The following IAH1 variants were observed in gnomAD, a reference collection of about 807,000 sequenced individuals.
The protein encoded by IAH1 is isoamyl acetate hydrolyzing esterase 1 (putative), also known as isoamyl acetate-hydrolyzing esterase 1 homolog.
Under a neutral mutation model 26.7 loss-of-function variants are expected in IAH1, and 24 were observed. The observed-to-expected ratio is 0.90, with a 90% CI of 0.65 to 1.26. IAH1 has a LOEUF of 1.26. Ranked by LOEUF, IAH1 falls within the 50% of genes most tolerant of loss-of-function variation. The pLI is 0.00. For missense variants in IAH1, 300 were observed against 299.9 expected, an observed-to-expected ratio of 1.00 and a Z score of 0.00; for synonymous variants, 140 against 118.5, an observed-to-expected ratio of 1.18 and a Z score of -1.18.
downstream of IAH1, chr2:9,494,520 C>T (rs886243729): frequency 5.0e-6 from 6 of 1,207,604 alleles, no homozygotes; most frequent in East Asian, 1.0e-4. Context: ...TAACAATGGG[C>T]CAGAAGGATG....
the IAH1 span, chr2:9,505,370 A>G: frequency 6.2e-7 from 1 of 1,613,206 alleles, no homozygotes. Flanking sequence ...AAACATCTTG[A>G]GAGAAAAAAG....
In IAH1 at chr2:9,489,340, C is replaced by T. The variant is rs1353862595; in HGVS notation, c.*1011C>T. On this transcript the variant is annotated 3_prime_UTR_variant, in exon 6 of 6. Transcript: ENST00000497473. ...GAGTGTAGTGGCGCAACCTCAGCCT[C>T]TCCAAGTGCTGGGATTACAGGCATG... is the stretch of plus-strand genomic sequence containing the variant. 1 of 145,962 alleles carries T rather than the reference C, an allele frequency of 6.9e-6. No homozygotes were observed. The highest frequency in any genetic ancestry group is 1.5e-5 in the Non-Finnish European group (1 of 67,506). The allele number at this position is 145,962 out of a possible 1,614,324, so 9.0% of individuals were successfully genotyped here. A position where few individuals can be genotyped will look rare whatever the true frequency, so the allele number is the denominator to read the frequency against.
At chr2:9,497,276 A>T, downstream of IAH1, 1 of 1,613,028 alleles carries the variant, frequency 6.2e-7, no homozygotes, top group Non-Finnish European at 8.5e-7. Context: ...TCATAACAAA[A>T]AGAATGAGTC....
chr2:9,502,054 A>T, the IAH1 span: 1 of 884,928 alleles, frequency 1.1e-6, no homozygotes, highest in Non-Finnish European at 1.8e-6. Flanking sequence ...CAGAAACTCA[A>T]CCCGGCATAT....
chr2:9,498,680 C>G (rs974489259), downstream of IAH1, among the ~76,000 whole-genome samples: 6 of 152,220 alleles, frequency 3.9e-5, no homozygotes, highest in African/African-American at 1.4e-4. Flanking sequence ...CTTTCATGAG[C>G]ACTGGGCATT....
At chr2:9,482,032 CTTTTTT>C (rs58813442) in intron 4 of IAH1, among the ~76,000 whole-genome samples, 1 of 134,656 alleles carries the variant, frequency 7.4e-6, no homozygotes, top group South Asian at 2.4e-4. Flanking sequence ...TGGAAGTTCT[CTTTTTT>C]TTTTTTTTTT....
the IAH1 span, among the ~76,000 whole-genome samples, chr2:9,503,137 CAAA>C: frequency 6.7e-5 from 5 of 74,190 alleles, no homozygotes; most frequent in Admixed American, 1.7e-4. Context: ...GAGACTCTCT[CAAA>C]AAAAAAAAAA....
intron 4 of IAH1, among the ~76,000 whole-genome samples, 197 bp from the exon 5 acceptor site, chr2:9,484,235 C>T (rs763051189): frequency 4.6e-5 from 7 of 152,212 alleles, no homozygotes; most frequent in Non-Finnish European, 8.8e-5. Context: ...TCCCACTGCA[C>T]CTTGTCCTCT....
chr2:9,486,302 G>C (rs888997544), intron 5 of IAH1: 1 of 152,132 alleles, frequency 6.6e-6, no homozygotes, highest in Non-Finnish European at 1.5e-5. Flanking sequence ...CAGATTAGGA[G>C]GGGCCTTGGC....
rs1558487496 is a variant in IAH1, at chr2:9,489,096, C to T, written c.*767C>T. On this transcript the variant is annotated 3_prime_UTR_variant, in exon 6 of 6. Coordinates refer to ENST00000497473, the MANE Select transcript of IAH1 (RefSeq NM_001039613.3). ...AGTCTTGTGGGGACAGCCCCCAACC[C>T]TAAGGGCAGGTAGTATTCTATCTCC... 1 of 152,042 alleles carries T rather than the reference C, an allele frequency of 6.6e-6. No individual in the cohort carries two copies. 9.4% of individuals were successfully genotyped at this position (152,042 alleles called of 1,614,324 possible). A position where few individuals can be genotyped will look rare whatever the true frequency, so the allele number is the denominator to read the frequency against.
Position 9,488,430 on chromosome 2 carries a change from ATAT to A in IAH1, c.*104_*106del. On this transcript the variant is annotated 3_prime_UTR_variant, in exon 6 of 6. Transcript: ENST00000497473. ...CCTCAGGCTTAAACCTTTGCCACTG[ATAT>A]TAATAATAAAAGTATTAGATGATTT... is the stretch of plus-strand genomic sequence containing the variant. The A allele has an allele frequency of 1.2e-6, 1 of 818,532 alleles. No homozygotes were observed. The highest frequency in any genetic ancestry group is 1.9e-6 in the Non-Finnish European group (1 of 539,992). The allele number at this position is 818,532 out of a possible 1,614,324, so 50.7% of individuals were successfully genotyped here. A position where few individuals can be genotyped will look rare whatever the true frequency, so the allele number is the denominator to read the frequency against.
At position 9,481,676 on chromosome 2, in the gene IAH1, C is replaced by T. The variant is rs1244922149; in HGVS notation, c.445+229C>T. Among the ~76,000 whole-genome samples the T allele has an allele frequency of 2.0e-5, 3 of 152,112 alleles. No individual in the cohort carries two copies. In the East Asian group the frequency reaches 5.8e-4, roughly 29 times the overall value. On this transcript the variant is annotated intron_variant, in intron 4 of 5. Coordinates refer to ENST00000497473, the MANE Select transcript of IAH1 (RefSeq NM_001039613.3). ...TGGCTTTGGATAGTCAGGAGGGAAC[C>T]GCGGGCCTGGCATCTGCTGACCTTT... is the stretch of plus-strand genomic sequence containing the variant.
downstream of IAH1, among the ~76,000 whole-genome samples, chr2:9,500,539 G>C (rs1264178882): frequency 6.6e-6 from 1 of 152,040 alleles, no homozygotes; most frequent in Non-Finnish European, 1.5e-5. Context: ...CTTTAAATGG[G>C]CAAACTACAT....
rs528548118 is a variant in IAH1 at position 9,475,014 on chromosome 2, C to G, written c.81+367C>G. On this transcript the variant is annotated intron_variant, in intron 1 of 5. Transcript: ENST00000497473. ...GTCCGGGTTAGCGGCCGCGGGCGAC[C>G]GCGCGCTGTGTCCCAGGAGGCCCCG... The G allele has an allele frequency of 1.3e-4, 144 of 1,104,064 alleles. 1 individual carries two copies. The African/African-American group carries it at 2.1e-3, about 16-fold the overall frequency. 68.4% of individuals were successfully genotyped at this position (1,104,064 alleles called of 1,614,324 possible).
At chr2:9,495,405 A>G (rs1403556400) in intron 6 of IAH1, among the ~76,000 whole-genome samples, 1 of 152,258 alleles carries the variant, frequency 6.6e-6, no homozygotes, top group East Asian at 1.9e-4. Flanking sequence ...CACAAAAACA[A>G]GCAAAAAGAA....
At chr2:9,493,058 T>TA, downstream of IAH1, 2 of 1,281,502 alleles carry the variant, frequency 1.6e-6, no homozygotes, top group South Asian at 1.4e-5. Context: ...GCTCTTAGGA[T>TA]ATTACCATTG....
At chr2:9,500,943 T>C (rs1054398000), downstream of IAH1, among the ~76,000 whole-genome samples, 4 of 152,244 alleles carry the variant, frequency 2.6e-5, no homozygotes, top group African/African-American at 9.6e-5. Flanking sequence ...GGAAAATATC[T>C]TTTTAACCAT....
chr2:9,505,330 C>T, the IAH1 span: 2 of 1,614,084 alleles, frequency 1.2e-6, no homozygotes, highest in Middle Eastern at 3.3e-4. Flanking sequence ...TTTCAATGGT[C>T]TTATAGATTG....
the IAH1 span, among the ~76,000 whole-genome samples, chr2:9,504,175 G>C: frequency 5.9e-5 from 9 of 151,822 alleles, no homozygotes; most frequent in African/African-American, 2.2e-4. Flanking sequence ...GGCCAGGCAC[G>C]GTGGCTCCCC....
Sources: gnomAD v4.1 joint callset for allele counts (sites outside exome capture counted in the v4.1 genomes callset) on GRCh38, gnomAD v4.1.1 for gene constraint, MANE v1.5 for transcripts, NCBI Gene and HGNC (gene_info 2026-07-23, HGNC 2026-07-21) for gene names.